The following WWOX variants were observed in gnomAD, a reference collection of about 807,000 sequenced individuals.
WWOX encodes WW domain containing oxidoreductase, also known as WW domain-containing oxidoreductase.
Under a neutral mutation model 46.2 loss-of-function variants are expected in WWOX, and 69 were observed. The ratio of observed to expected loss-of-function variants is 1.49; its 90% CI spans 1.23 to 1.82. The LOEUF is 1.82. WWOX is among the 40% of genes most tolerant of loss of function. WWOX has a pLI of 0.00. For synonymous variants in WWOX, 359 were observed against 202.6 expected (o/e 1.77, Z -6.56); for missense variants, 919 against 542.6 (o/e 1.69, Z -6.89).
chr16:78,321,489 T>C (rs1328735160), intron 5 of WWOX, among the ~76,000 whole-genome samples: 1 of 151,218 alleles, frequency 6.6e-6, no homozygotes, highest in Non-Finnish European at 1.5e-5. Flanking sequence ...TGGGAAGGCT[T>C]ATTGAAACTT....
intron 8 of WWOX, among the ~76,000 whole-genome samples, chr16:78,481,724 A>AGTGTGT (rs67780639): frequency 0.16 from 21,592 of 136,778 alleles, 2,055 homozygotes; most frequent in Middle Eastern, 0.24. Flanking sequence ...GGGCAAGGGA[A>AGTGTGT]GTGTGTGTGT....
In WWOX at chr16:78,872,427, A is replaced by G. The variant is rs1184553654; in HGVS notation, c.1057-339181A>G. ...CATCTTTTTTTAAAGAAGGGAGTTA[A>G]AGGAAAGAAATGCCAGGCTGAGAGA... On this transcript the variant is annotated intron_variant, in intron 8 of 8. Coordinates refer to ENST00000566780, the MANE Select transcript of WWOX (RefSeq NM_016373.4). 2.0e-5 allele frequency among the ~76,000 whole-genome samples: 3 copies of G among 152,288 alleles called. No homozygotes were observed. In the East Asian group the frequency reaches 5.8e-4, roughly 29 times the overall value.
At chr16:78,689,814 C>G (rs1360624399) in intron 8 of WWOX, among the ~76,000 whole-genome samples, 1 of 152,140 alleles carries the variant, frequency 6.6e-6, no homozygotes, top group Non-Finnish European at 1.5e-5. Flanking sequence ...TGCATAAAGT[C>G]TTCCTTACCA....
At chr16:78,292,192 G>C (rs905520252) in intron 5 of WWOX, among the ~76,000 whole-genome samples, 5 of 150,718 alleles carry the variant, frequency 3.3e-5, no homozygotes, top group African/African-American at 1.2e-4. Flanking sequence ...TGATCTACAT[G>C]ATGTCCTTCA....
chr16:78,746,012 A>C (rs1456346829), intron 8 of WWOX, among the ~76,000 whole-genome samples: 2 of 152,118 alleles, frequency 1.3e-5, no homozygotes, highest in East Asian at 1.9e-4. Flanking sequence ...GAAGGGCCAT[A>C]ATCTGTATCC....
chr16:78,930,448 A>AT (rs71140847), intron 8 of WWOX, among the ~76,000 whole-genome samples: 14,071 of 106,476 alleles, frequency 0.13, 1,316 homozygotes, highest in East Asian at 0.31. Context: ...CAGCTAGCTA[A>AT]TTTTTTTTTT....
intron 8 of WWOX, among the ~76,000 whole-genome samples, chr16:79,042,416 A>G (rs2151412463): frequency 6.6e-6 from 1 of 152,286 alleles, no homozygotes; most frequent in East Asian, 1.9e-4. Flanking sequence ...GCCAAGAGAC[A>G]GAGTCTGTGC....
At chr16:78,856,355 A>C (rs887774678) in intron 8 of WWOX, among the ~76,000 whole-genome samples, 1 of 152,178 alleles carries the variant, frequency 6.6e-6, no homozygotes, top group African/African-American at 2.4e-5. Context: ...GAAGTTGAAT[A>C]GATCTAGCCT....
intron 8 of WWOX, among the ~76,000 whole-genome samples, chr16:79,098,052 G>A (rs912117139): frequency 2.6e-5 from 4 of 152,080 alleles, no homozygotes; most frequent in Non-Finnish European, 5.9e-5. Context: ...CTAGAGAGGC[G>A]CCTGCAGAAT....
intron 8 of WWOX, among the ~76,000 whole-genome samples, chr16:78,726,235 C>CT (rs1008421983): frequency 4.5e-4 from 64 of 140,736 alleles, no homozygotes; most frequent in African/African-American, 1.6e-3. Flanking sequence ...CTTTTTTCTT[C>CT]TTTTTTTTGG....
intron 8 of WWOX, among the ~76,000 whole-genome samples, chr16:79,023,886 G>C (rs1243220576): frequency 3.3e-5 from 5 of 152,088 alleles, no homozygotes; most frequent in Admixed American, 2.6e-4. Context: ...AAGTCAGGAG[G>C]CAGAGGTTGC....
intron 8 of WWOX, among the ~76,000 whole-genome samples, chr16:78,955,517 A>G (rs1042225359): frequency 3.3e-5 from 5 of 152,232 alleles, no homozygotes; most frequent in Non-Finnish European, 7.3e-5. Context: ...TCGTGTAAGC[A>G]CACCAGGCTG....
At chr16:78,342,189 G>A (rs2081028142) in intron 5 of WWOX, among the ~76,000 whole-genome samples, 1 of 121,618 alleles carries the variant, frequency 8.2e-6, no homozygotes, top group Non-Finnish European at 2.0e-5. Flanking sequence ...ACTGTATTTG[G>A]AGGGGACCTT....
At chr16:79,073,391 G>T (rs1469105444) in intron 8 of WWOX, among the ~76,000 whole-genome samples, 1 of 152,002 alleles carries the variant, frequency 6.6e-6, no homozygotes, top group African/African-American at 2.4e-5. Flanking sequence ...TGTTGGCCAG[G>T]CTGGTCTCAA....
At chr16:78,436,419 G>C (rs987450132) in intron 8 of WWOX, among the ~76,000 whole-genome samples, 3 of 152,172 alleles carry the variant, frequency 2.0e-5, no homozygotes, top group African/African-American at 7.2e-5. Flanking sequence ...TGAGTGATTA[G>C]AAAATAGCAG....
intron 8 of WWOX, among the ~76,000 whole-genome samples, chr16:78,516,337 C>G (rs2043235313): frequency 6.6e-6 from 1 of 152,164 alleles, no homozygotes; most frequent in Non-Finnish European, 1.5e-5. Context: ...TGGACGGTCA[C>G]AAACATACCT....
chr16:78,837,906 A>G (rs1567595079), intron 8 of WWOX, among the ~76,000 whole-genome samples: 1 of 152,226 alleles, frequency 6.6e-6, no homozygotes, highest in Admixed American at 6.5e-5. Flanking sequence ...AGATGAGAAA[A>G]TGGAGTCCCA....
chr16:79,062,101 C>T (rs963764282), intron 8 of WWOX, among the ~76,000 whole-genome samples: 8 of 152,118 alleles, frequency 5.3e-5, no homozygotes, highest in South Asian at 2.1e-4. Flanking sequence ...CCCCACCCCA[C>T]GTGATCTCAT....
rs1425032066 is a variant in WWOX, at chr16:78,339,856, C to G, written c.517-47004C>G. On this transcript the variant is annotated intron_variant, in intron 5 of 8. Transcript: ENST00000566780. ...TACAATGGGAGGCATATCATCAACC[C>G]CTTGCTGCTATCCAAATAGGAGACT... Among the ~76,000 whole-genome samples the G allele has an allele frequency of 3.4e-5, 4 of 116,166 alleles. 1 individual carries two copies. Among genetic ancestry groups the G allele is most frequent in the African/African-American group, 1.2e-4 (4 of 34,344 alleles). 76.2% of individuals were successfully genotyped at this position (116,166 alleles called of 152,430 possible). A position where few individuals can be genotyped will look rare whatever the true frequency, so the allele number is the denominator to read the frequency against.
Sources: gnomAD v4.1 joint callset for allele counts (sites outside exome capture counted in the v4.1 genomes callset) on GRCh38, gnomAD v4.1.1 for gene constraint, MANE v1.5 for transcripts, NCBI Gene and HGNC (gene_info 2026-07-23, HGNC 2026-07-21) for gene names.